The following FRMD4A variants were observed in gnomAD, a reference collection of about 807,000 sequenced individuals.
FRMD4A encodes FERM domain containing 4A, also known as FERM domain-containing protein 4A.
FRMD4A carries 29 observed loss-of-function variants against 129.1 expected under a neutral mutation model. The observed-to-expected ratio is 0.22, with a 90% CI of 0.17 to 0.31. The LOEUF (loss-of-function observed/expected upper bound fraction) is 0.31, where lower values mean the gene tolerates loss of function less well. FRMD4A is among the 10% of genes least tolerant of loss of function. FRMD4A has a pLI of 1.00. For synonymous variants in FRMD4A, 634 were observed against 571.6 expected (o/e 1.11, Z -1.56); for missense variants, 1,272 against 1,375.8 (o/e 0.92, Z 1.19).
At chr10:13,680,535 G>T (rs992304456) in intron 15 of FRMD4A, among the ~76,000 whole-genome samples, 1 of 152,086 alleles carries the variant, frequency 6.6e-6, no homozygotes, top group Non-Finnish European at 1.5e-5. Context: ...GACCAGCCTG[G>T]CCAACATGGC....
intron 2 of FRMD4A, among the ~76,000 whole-genome samples, chr10:14,117,554 G>T (rs1344705397): frequency 6.6e-6 from 1 of 152,154 alleles, no homozygotes; most frequent in Admixed American, 6.6e-5. Context: ...GGTTCCCAAA[G>T]CATCAGACAA....
intron 2 of FRMD4A, among the ~76,000 whole-genome samples, chr10:13,993,326 A>T (rs926849447): frequency 1.3e-5 from 2 of 152,216 alleles, no homozygotes; most frequent in African/African-American, 4.8e-5. Flanking sequence ...CTGTGAATCC[A>T]TTCAAGTTCT....
chr10:13,908,179 A>C (rs1014932142), intron 2 of FRMD4A, among the ~76,000 whole-genome samples: 28 of 145,224 alleles, frequency 1.9e-4, no homozygotes, highest in African/African-American at 7.8e-4. Context: ...AAAAAAAAAA[A>C]AAAAAAAAAA....
At chr10:13,844,530 G>A (rs980052988) in intron 3 of FRMD4A, among the ~76,000 whole-genome samples, 9 of 151,986 alleles carry the variant, frequency 5.9e-5, no homozygotes, top group Non-Finnish European at 1.0e-4. Context: ...ACCAACATCC[G>A]GCCCACTTTA....
chr10:13,814,954 C>T (rs781538945), intron 3 of FRMD4A, among the ~76,000 whole-genome samples: 5 of 151,954 alleles, frequency 3.3e-5, no homozygotes, highest in South Asian at 2.1e-4. Context: ...GGTCCCTTAC[C>T]GGGTGGTAAG....
At chr10:14,305,185 T>G (rs555624757) in intron 2 of FRMD4A, among the ~76,000 whole-genome samples, 26 of 152,332 alleles carry the variant, frequency 1.7e-4, no homozygotes, top group African/African-American at 6.0e-4. Flanking sequence ...AGTGAAAGAT[T>G]TTTAGGTCCA....
intron 16 of FRMD4A, among the ~76,000 whole-genome samples, chr10:13,671,228 C>T (rs1279273089): frequency 2.0e-5 from 3 of 152,108 alleles, no homozygotes; most frequent in Admixed American, 6.5e-5. Context: ...CCGAGGCAGG[C>T]GGATCTCTTG....
At chr10:13,877,465 G>A (rs570741238) in intron 2 of FRMD4A, among the ~76,000 whole-genome samples, 8 of 151,622 alleles carry the variant, frequency 5.3e-5, no homozygotes, top group East Asian at 3.9e-4. Context: ...AGGGACGCTC[G>A]AGAACTAGAG....
At chr10:14,090,297 C>A (rs1836586579) in intron 2 of FRMD4A, among the ~76,000 whole-genome samples, 1 of 151,818 alleles carries the variant, frequency 6.6e-6, no homozygotes, top group Admixed American at 6.6e-5. Flanking sequence ...TAGATCTGTG[C>A]CACACAGATG....
At chr10:14,171,254 A>G (rs1230303328) in intron 2 of FRMD4A, among the ~76,000 whole-genome samples, 1 of 152,138 alleles carries the variant, frequency 6.6e-6, no homozygotes, top group East Asian at 1.9e-4. Context: ...GCCTCTGCAA[A>G]CATCATTTGC....
chr10:14,020,035 A>G (rs2131644570), intron 2 of FRMD4A, among the ~76,000 whole-genome samples: 1 of 152,338 alleles, frequency 6.6e-6, no homozygotes, highest in East Asian at 1.9e-4. Flanking sequence ...GCAGACAGAC[A>G]AAACGAAACA....
intron 17 of FRMD4A, among the ~76,000 whole-genome samples, chr10:13,669,960 G>A (rs1360107926): frequency 6.6e-6 from 1 of 152,184 alleles, no homozygotes; most frequent in Non-Finnish European, 1.5e-5. Context: ...CCACGGGGCG[G>A]TGGACCCTAC....
rs1375809761 is a variant in FRMD4A, at chr10:13,707,792, G to A, written c.760-679C>T. Reference sequence around the variant, plus strand: ...CAAGAGTTCTGTCGCCCGGAAGGACGCTGCGGCCAGAGTCTCTCCCTCAAG... The same window carrying A: ...CAAGAGTTCTGTCGCCCGGAAGGACACTGCGGCCAGAGTCTCTCCCTCAAG... On this transcript the variant is annotated intron_variant, in intron 12 of 24. Transcript: ENST00000357447. 6 of 985,258 alleles carry A rather than the reference G, an allele frequency of 6.1e-6. No homozygotes were observed. In the East Asian group the frequency reaches 3.4e-4, roughly 56 times the overall value. The allele number at this position is 985,258 out of a possible 1,614,324, so 61.0% of individuals were successfully genotyped here.
At position 13,659,313 on chromosome 10, in the gene FRMD4A, G is replaced by T. The variant is rs764268341; in HGVS notation, c.2066+10C>A. 60 of 1,612,200 alleles carry T rather than the reference G, an allele frequency of 3.7e-5. No individual in the cohort carries two copies. Among genetic ancestry groups the T allele is most frequent in the South Asian group, 1.8e-4 (16 of 91,042 alleles). On this transcript the variant is annotated intron_variant, in intron 21 of 24. Transcript: ENST00000357447. Reference sequence around the variant, plus strand: ...GGCTTGGTCTGAGCAGGAAGGCCAGGCAGACTCACCTCGTGGAATGGACGT... The same window carrying T: ...GGCTTGGTCTGAGCAGGAAGGCCAGTCAGACTCACCTCGTGGAATGGACGT...
chr10:13,665,653 T>A (rs192639245), intron 18 of FRMD4A, among the ~76,000 whole-genome samples: 2 of 152,152 alleles, frequency 1.3e-5, no homozygotes, highest in Non-Finnish European at 2.9e-5. Context: ...CCTGGCAGCA[T>A]AGGGGTCAGT....
intron 2 of FRMD4A, among the ~76,000 whole-genome samples, chr10:13,867,461 A>C (rs1483358354): frequency 6.7e-6 from 1 of 150,106 alleles, no homozygotes; most frequent in Admixed American, 6.8e-5. Flanking sequence ...GGGACTCGCC[A>C]TGTTGTCCAG....
rs113297832 is a variant in FRMD4A, at chr10:13,811,008, C to G, written c.112-100G>C. ...CCATAATTTTTTCAATGAAATGTCA[C>G]AAAGCTCAAGTATTTTGAAGCAAAT... On this transcript the variant is annotated intron_variant, in intron 3 of 24. Transcript: ENST00000357447. 2.5e-4 allele frequency: 159 copies of G among 630,248 alleles called. 2 individuals are homozygous for G. The highest frequency in any genetic ancestry group is 2.3e-3 in the African/African-American group (126 of 53,910). 39.0% of individuals were successfully genotyped at this position (630,248 alleles called of 1,614,324 possible).
chr10:13,790,022 T>C (rs2092960357), intron 5 of FRMD4A, among the ~76,000 whole-genome samples: 1 of 152,048 alleles, frequency 6.6e-6, no homozygotes, highest in African/African-American at 2.4e-5. Flanking sequence ...CAAGGAGATC[T>C]TGAGTCCAGG....
intron 2 of FRMD4A, among the ~76,000 whole-genome samples, chr10:14,038,405 A>G (rs137894371): frequency 4.1e-4 from 63 of 152,342 alleles, no homozygotes; most frequent in African/African-American, 1.3e-3. Context: ...GTATCTCTGT[A>G]TTGTATATGC....
Sources: gnomAD v4.1 joint callset for allele counts (sites outside exome capture counted in the v4.1 genomes callset) on GRCh38, gnomAD v4.1.1 for gene constraint, MANE v1.5 for transcripts, NCBI Gene and HGNC (gene_info 2026-07-23, HGNC 2026-07-21) for gene names.